ZFC3H1: variants seen among roughly 807,000 people sequenced by gnomAD.
ZFC3H1 encodes the protein zinc finger C3H1 domain-containing protein.
A neutral mutation model predicts 243.7 loss-of-function variants in ZFC3H1; 71 were observed. The observed-to-expected ratio is 0.29, with a 90% CI of 0.24 to 0.36. The LOEUF (loss-of-function observed/expected upper bound fraction) is 0.36, where lower values mean the gene tolerates loss of function less well. Ranked by LOEUF, ZFC3H1 falls within the 10% of genes least tolerant of loss-of-function variation. The pLI is 1.00. For synonymous variants in ZFC3H1, 838 were observed against 813.0 expected, an observed-to-expected ratio of 1.03 and a Z score of -0.52; for missense variants, 1,966 against 2,317.1, an observed-to-expected ratio of 0.85 and a Z score of 3.11.
In ZFC3H1 at chr12:71,632,446, A is replaced by T. The variant is rs746427221; in HGVS notation, c.2886T>A (p.Ile962=). Residue 962 remains isoleucine, a synonymous_variant, in exon 15 of 35, where the codon ATT becomes ATA. Transcript: ENST00000378743. ...SSPRKHSAEL[I]AMEKRRLQKL... Reference sequence around the variant, plus strand: ...TTTGTAACCGTCTTTTCTCCATAGCAATTAGTTCTGCTGAATGCTTTCTTG... The same window carrying T: ...TTTGTAACCGTCTTTTCTCCATAGCTATTAGTTCTGCTGAATGCTTTCTTG... 28 of 1,606,024 alleles carry T rather than the reference A, an allele frequency of 1.7e-5. No individual in the cohort carries two copies. Among genetic ancestry groups the T allele is most frequent in the Middle Eastern group, 3.3e-4 (2 of 6,068 alleles).
Position 71,614,577 on chromosome 12 carries a change from A to G in ZFC3H1, c.5484T>C (p.Phe1828=), listed in dbSNP as rs1466840779. The change falls in exon 30 of 35, where the codon TTT becomes TTC. Residue 1828 remains phenylalanine (F), a synonymous_variant. Coordinates refer to ENST00000378743, the MANE Select transcript of ZFC3H1 (RefSeq NM_144982.5). The part of the protein sequence containing the change: ...VTVPARYPIP[F]SSADYWSNYE... ...AGTTGGACCAGTAATCAGCACTGCT[A>G]AAAGGAATGGGGTATCGGGCAGGGA... The G allele has an allele frequency of 1.2e-6, 2 of 1,612,252 alleles. No individual in the cohort carries two copies. The highest frequency in any genetic ancestry group is 1.3e-5 in the African/African-American group (1 of 74,850).
rs1355904145 is a variant in ZFC3H1, at chr12:71,613,449, G to A, written c.5527-14C>T. Reference sequence around the variant, plus strand: ...AAAGAAAATAACCTGTAAAGGTTGAGGGGGGCGAAAAATGAATGCAACCAA... The same window carrying A: ...AAAGAAAATAACCTGTAAAGGTTGAAGGGGGCGAAAAATGAATGCAACCAA... On this transcript the variant is annotated splice_polypyrimidine_tract_variant and intron_variant, in intron 30 of 34. Coordinates refer to ENST00000378743, the MANE Select transcript of ZFC3H1 (RefSeq NM_144982.5). The A allele has an allele frequency of 6.4e-7, 1 of 1,564,676 alleles. No individual in the cohort carries two copies.
At chr12:71,628,768 T>C (rs984641300) in intron 20 of ZFC3H1, 150 bp downstream of exon 20, 7 of 659,374 alleles carry the variant, frequency 1.1e-5, no homozygotes, top group Non-Finnish European at 1.4e-5. Flanking sequence ...GTGAATTAAC[T>C]GTATTGTCTA....
intron 2 of ZFC3H1, among the ~76,000 whole-genome samples, chr12:71,649,072 C>T (rs1880807637): frequency 8.7e-6 from 1 of 114,842 alleles, no homozygotes; most frequent in East Asian, 2.6e-4. Flanking sequence ...TCCTGGGTAA[C>T]AGAGCAAGAC....
chr12:71,650,651 C>T (rs1880861300), intron 2 of ZFC3H1, among the ~76,000 whole-genome samples: 1 of 152,042 alleles, frequency 6.6e-6, no homozygotes, highest in Non-Finnish European at 1.5e-5. Flanking sequence ...AGACAGAAAA[C>T]AAAAATCAGA....
At chr12:71,611,157 TTGAACAAAA>T in intron 32 of ZFC3H1, 60 bp from the exon 33 acceptor site, 1 of 1,464,932 alleles carries the variant, frequency 6.8e-7, no homozygotes, top group Non-Finnish European at 9.1e-7. Flanking sequence ...TTATATATCT[TTGAACAAAA>T]TGAAACACCA....
At chr12:71,653,493 G>T (rs934341483) in intron 2 of ZFC3H1, among the ~76,000 whole-genome samples, 1 of 152,092 alleles carries the variant, frequency 6.6e-6, no homozygotes, top group East Asian at 1.9e-4. Context: ...CATTTTTTCA[G>T]AACCACTGCA....
chr12:71,656,631 A>G, intron 2 of ZFC3H1: 1 of 601,430 alleles, frequency 1.7e-6, no homozygotes, highest in Non-Finnish European at 2.9e-6. Context: ...TAGGAAACAA[A>G]GGTGTCCACT....
intron 27 of ZFC3H1, among the ~76,000 whole-genome samples, chr12:71,618,987 T>C (rs1415611154): frequency 6.6e-6 from 1 of 152,176 alleles, no homozygotes; most frequent in Non-Finnish European, 1.5e-5. Flanking sequence ...TTGTAAAAAA[T>C]CACTGAGATT....
chr12:71,619,840 AG>A (rs1879980701), intron 26 of ZFC3H1, 85 bp downstream of exon 26: 1 of 1,246,288 alleles, frequency 8.0e-7, no homozygotes, highest in African/African-American at 1.5e-5. Context: ...AAAGGGTAAA[AG>A]GACCAGGAAA....
At chr12:71,658,542 A>T (rs1881082932) in intron 1 of ZFC3H1, among the ~76,000 whole-genome samples, 1 of 151,466 alleles carries the variant, frequency 6.6e-6, no homozygotes, top group African/African-American at 2.4e-5. Context: ...GCCCACCTTG[A>T]CCTCCCAAAG....
chr12:71,655,828 G>A (rs917929711), intron 2 of ZFC3H1, among the ~76,000 whole-genome samples: 1 of 152,080 alleles, frequency 6.6e-6, no homozygotes, highest in Non-Finnish European at 1.5e-5. Context: ...AGAGGGGGGG[G>A]AAATTACAGG....
At chr12:71,634,860 C>G in intron 10 of ZFC3H1, 35 bp from the exon 11 acceptor site, 2 of 1,562,982 alleles carry the variant, frequency 1.3e-6, no homozygotes, top group Non-Finnish European at 1.7e-6. Flanking sequence ...TCAACTAGAT[C>G]ATCAGCTTTC....
In ZFC3H1 at chr12:71,644,255, T is replaced by G. The variant is rs760540102; in HGVS notation, c.1343A>C (p.Gln448Pro). 4.3e-6 allele frequency: 7 copies of G among 1,613,008 alleles called. No homozygotes were observed. In the East Asian group the frequency reaches 1.6e-4, roughly 36 times the overall value. The change falls in exon 5 of 35, where the codon CAG becomes CCG. Residue 448 changes from glutamine (Q) to proline (P), a missense_variant. Coordinates refer to ENST00000378743, the MANE Select transcript of ZFC3H1 (RefSeq NM_144982.5). Reference sequence around the variant, plus strand: ...CTGATCCTCTTCTTTCTGTCTTTCCTGCTCTTTTTGTTGTTGTAGTTTCTT... The same window carrying G: ...CTGATCCTCTTCTTTCTGTCTTTCCGGCTCTTTTTGTTGTTGTAGTTTCTT... ...AWKKLQQQKE[Q>P]ERQKEEDQRK...
rs369284054 is a variant in ZFC3H1 at position 71,624,112 on chromosome 12, T to C, written c.4498A>G (p.Ile1500Val). 2.0e-5 allele frequency: 32 copies of C among 1,610,634 alleles called. No homozygotes were observed. The highest frequency in any genetic ancestry group is 1.7e-4 in the Middle Eastern group (1 of 6,030). The change falls in exon 23 of 35, where the codon ATT becomes GTT. Residue 1500 changes from isoleucine to valine, a missense_variant. By Grantham distance (29) the Ile-to-Val change is conservative. Transcript: ENST00000378743. Reference sequence around the variant, plus strand: ...CTGTACCAAGTGCTTACCTGTAAAATTGCCAGTGCACTTTGGCATCTTCCA... The same window carrying C: ...CTGTACCAAGTGCTTACCTGTAAAACTGCCAGTGCACTTTGGCATCTTCCA... The part of the protein sequence containing the change: ...FTGRCQSALA[I>V]LQNALKSAND...
chr12:71,642,685 A>G (rs763644678), intron 5 of ZFC3H1, 126 bp from the exon 6 acceptor site: 2 of 1,078,184 alleles, frequency 1.9e-6, no homozygotes, highest in Non-Finnish European at 2.6e-6. Context: ...AGATGTGCCT[A>G]TCACATCTTT....
chr12:71,633,176 C>G (rs1230768143), intron 13 of ZFC3H1, 88 bp downstream of exon 13: 1 of 1,430,154 alleles, frequency 7.0e-7, no homozygotes, highest in Non-Finnish European at 9.3e-7. Context: ...ATTTTGCTGG[C>G]TTTAGTATAC....
intron 2 of ZFC3H1, 109 bp downstream of exon 2, chr12:71,656,776 G>T: frequency 1.7e-6 from 2 of 1,175,150 alleles, no homozygotes; most frequent in South Asian, 3.2e-5. Context: ...AAGTACAAAA[G>T]AATTTACAGA....
chr12:71,627,684 TA>T (rs1375924993), intron 21 of ZFC3H1, 66 bp downstream of exon 21: 9 of 1,476,472 alleles, frequency 6.1e-6, no homozygotes, highest in Non-Finnish European at 8.3e-6. Flanking sequence ...TTACCATAGG[TA>T]AAAAAACCTC....
Sources: allele counts gnomAD v4.1 joint callset (sites outside exome capture counted in the v4.1 genomes callset), GRCh38; gene constraint gnomAD v4.1.1; transcripts MANE v1.5; gene names NCBI Gene and HGNC (gene_info 2026-07-23, HGNC 2026-07-21).